Variants in EPB41L1 observed in about 807,000 individuals in gnomAD.
EPB41L1 encodes the protein erythrocyte membrane protein band 4.1 like 1, also known as band 4.1-like protein 1.
A neutral mutation model predicts 97.8 loss-of-function variants in EPB41L1; 29 were observed. The observed-to-expected ratio is 0.30, with a 90% CI of 0.22 to 0.40. The LOEUF is 0.40. Among genes scored for constraint, EPB41L1 ranks in the 10% least tolerant of loss-of-function variants. The pLI is 1.00. For missense variants in EPB41L1, 812 were observed against 1,162.3 expected, an observed-to-expected ratio of 0.70 and a Z score of 4.38; for synonymous variants, 383 against 459.2, an observed-to-expected ratio of 0.83 and a Z score of 2.12.
chr20:36,170,353 C>T (rs563892975), intron 1 of EPB41L1, among the ~76,000 whole-genome samples: 2 of 152,170 alleles, frequency 1.3e-5, no homozygotes, highest in East Asian at 1.9e-4. Context: ...TCTGTCTTCC[C>T]GCCACCCAGA....
At chr20:36,194,930 A>C (rs1430279893) in intron 12 of EPB41L1, among the ~76,000 whole-genome samples, 1 of 152,102 alleles carries the variant, frequency 6.6e-6, no homozygotes, top group Non-Finnish European at 1.5e-5. Flanking sequence ...ATGCACACAC[A>C]CAGGTGTGTG....
chr20:36,123,451 T>G (rs2058835889), intron 2 of EPB41L1, among the ~76,000 whole-genome samples: 1 of 152,176 alleles, frequency 6.6e-6, no homozygotes. Flanking sequence ...GTTTGTTTGT[T>G]TGTTTTTGAG....
intron 1 of EPB41L1, among the ~76,000 whole-genome samples, chr20:36,166,024 T>C (rs1373063147): frequency 1.3e-5 from 2 of 152,236 alleles, no homozygotes; most frequent in Admixed American, 6.5e-5. Context: ...ATATCAGGAC[T>C]TTGGATGGAA....
intron 14 of EPB41L1, chr20:36,205,916 T>G: frequency 7.8e-7 from 1 of 1,289,852 alleles, no homozygotes; most frequent in Non-Finnish European, 1.0e-6. Context: ...CTCCTAAAAG[T>G]GACCACCATG....
At chr20:36,102,373 C>A (rs1030982797) in intron 1 of EPB41L1, among the ~76,000 whole-genome samples, 2 of 152,172 alleles carry the variant, frequency 1.3e-5, no homozygotes, top group Non-Finnish European at 2.9e-5. Context: ...GGTTGTTTTG[C>A]GCAGTTGGAG....
intron 18 of EPB41L1, 83 bp from the exon 19 acceptor site, chr20:36,219,678 C>A (rs1212322546): frequency 8.6e-7 from 1 of 1,165,974 alleles, no homozygotes; most frequent in Non-Finnish European, 1.3e-6. Context: ...TTCACAGAGC[C>A]CTTTACCCCA....
At chr20:36,155,894 T>C in intron 1 of EPB41L1, 1 of 249,922 alleles carries the variant, frequency 4.0e-6, no homozygotes, top group Non-Finnish European at 8.2e-6. Context: ...GCGGCTTGGC[T>C]TCATTCCCAC....
At chr20:36,176,253 G>A (rs2061223890) in intron 3 of EPB41L1, among the ~76,000 whole-genome samples, 1 of 152,212 alleles carries the variant, frequency 6.6e-6, no homozygotes, top group African/African-American at 2.4e-5. Flanking sequence ...TAGAAACCCT[G>A]TGGTATGGCC....
intron 1 of EPB41L1, among the ~76,000 whole-genome samples, chr20:36,102,716 G>A (rs1490187053): frequency 6.6e-6 from 1 of 152,134 alleles, no homozygotes; most frequent in Non-Finnish European, 1.5e-5. Context: ...CAGAGATTCT[G>A]GACACAGCCT....
intron 2 of EPB41L1, among the ~76,000 whole-genome samples, chr20:36,116,513 A>G (rs1000944511): frequency 7.2e-5 from 11 of 152,150 alleles, no homozygotes; most frequent in African/African-American, 2.7e-4. Context: ...TGGAGGGTAG[A>G]CAAGGCACCT....
chr20:36,155,030 TG>T, intron 1 of EPB41L1, 134 bp downstream of exon 1: 1 of 834,684 alleles, frequency 1.2e-6, no homozygotes, highest in Non-Finnish European at 1.7e-6. Context: ...CTGGCCAGTG[TG>T]GGGGAGGGTC....
intron 1 of EPB41L1, among the ~76,000 whole-genome samples, chr20:36,156,252 C>T (rs920519990): frequency 6.6e-6 from 1 of 152,186 alleles, no homozygotes; most frequent in African/African-American, 2.4e-5. Context: ...GAGCACAGTC[C>T]CTGGGATTTC....
At chr20:36,129,944 T>G (rs568396414) in intron 2 of EPB41L1, among the ~76,000 whole-genome samples, 25 of 147,500 alleles carry the variant, frequency 1.7e-4, no homozygotes, top group East Asian at 7.8e-4. Flanking sequence ...GTTTTTTTTT[T>G]TTGTTTTTTT....
rs2063190052 is a variant in EPB41L1, at chr20:36,212,479, A to G, written c.2184+103A>G. On this transcript the variant is annotated intron_variant, in intron 16 of 21. Transcript: ENST00000338074. This position sits in a 1 kb window ranked among gnomAD's most constrained non-coding sequence, Gnocchi z 4.8. ...CCCCTTGGCCAGCTCTTTTAATCTC[A>G]GCTTCCCTGGAACCCATATGTTAAT... 1 of 942,424 alleles carries G rather than the reference A, an allele frequency of 1.1e-6. No homozygotes were observed. Among genetic ancestry groups the G allele is most frequent in the Admixed American group, 2.0e-5 (1 of 50,558 alleles). The allele number at this position is 942,424 out of a possible 1,614,324, so 58.4% of individuals were successfully genotyped here. A position where few individuals can be genotyped will look rare whatever the true frequency, so the allele number is the denominator to read the frequency against.
At chr20:36,216,269 G>C (rs1355330463) in intron 17 of EPB41L1, among the ~76,000 whole-genome samples, 8 of 152,164 alleles carry the variant, frequency 5.3e-5, no homozygotes, top group Non-Finnish European at 1.2e-4. Flanking sequence ...ATTAAAGTAT[G>C]GTCCTGGGGG....
At chr20:36,178,723 C>A (rs762872360) in intron 5 of EPB41L1, 51 bp downstream of exon 5, 22 of 1,573,314 alleles carry the variant, frequency 1.4e-5, no homozygotes, top group Admixed American at 5.0e-5. Context: ...GGATTCCAGG[C>A]CATGAGAGCC....
chr20:36,187,851 C>A, intron 8 of EPB41L1, 88 bp downstream of exon 8: 1 of 1,082,266 alleles, frequency 9.2e-7, no homozygotes, highest in Non-Finnish European at 1.4e-6. Context: ...GTGTGCCAGA[C>A]CCTGTGTTAC....
chr20:36,163,567 T>C (rs898027969), intron 1 of EPB41L1, among the ~76,000 whole-genome samples: 3 of 152,194 alleles, frequency 2.0e-5, no homozygotes, highest in African/African-American at 7.2e-5. Flanking sequence ...GGAAACAGAA[T>C]TCCACTCAGA....
At chr20:36,193,538 C>T (rs559996529) in intron 11 of EPB41L1, among the ~76,000 whole-genome samples, 1 of 152,198 alleles carries the variant, frequency 6.6e-6, no homozygotes, top group African/African-American at 2.4e-5. Flanking sequence ...ATGCCCAATG[C>T]GTGATGCGAA....
Sources: gnomAD v4.1 joint callset for allele counts (sites outside exome capture counted in the v4.1 genomes callset) on GRCh38, gnomAD v4.1.1 for gene constraint, Gnocchi (gnomAD v3.1) non-coding constraint, MANE v1.5 for transcripts, NCBI Gene and HGNC (gene_info 2026-07-23, HGNC 2026-07-21) for gene names.